GPATCH1: variants seen among roughly 807,000 people sequenced by gnomAD.
GPATCH1 encodes the protein G-patch domain containing 1, also known as G patch domain-containing protein 1.
Under a neutral mutation model 114.9 loss-of-function variants are expected in GPATCH1, and 73 were observed. The ratio of observed to expected loss-of-function variants is 0.64; its 90% CI spans 0.53 to 0.77. The LOEUF (loss-of-function observed/expected upper bound fraction) is 0.77. Among genes scored for constraint, GPATCH1 ranks in the 30% least tolerant of loss-of-function variants. The pLI is 0.00. For missense variants in GPATCH1, 1,058 were observed against 1,144.3 expected (o/e 0.92, Z 1.09); for synonymous variants, 391 against 428.4 (o/e 0.91, Z 1.08).
intron 13 of GPATCH1, chr19:33,113,099 A>G (rs1972875584): frequency 6.4e-6 from 1 of 157,106 alleles, no homozygotes; most frequent in Admixed American, 6.4e-5. Context: ...TAACATAGTA[A>G]GACCCCATCT....
At chr19:33,127,764 A>G (rs1337298989) in intron 19 of GPATCH1, among the ~76,000 whole-genome samples, 2 of 152,140 alleles carry the variant, frequency 1.3e-5, no homozygotes, top group East Asian at 3.9e-4. Flanking sequence ...GCTGGAGTGC[A>G]GTGGTGCGAT....
At chr19:33,101,209 T>G (rs1438704381) in intron 8 of GPATCH1, among the ~76,000 whole-genome samples, 1 of 152,166 alleles carries the variant, frequency 6.6e-6, no homozygotes, top group Non-Finnish European at 1.5e-5. Flanking sequence ...CCTAAGGTAC[T>G]TCTTCTAAAA....
At chr19:33,110,520 AG>A (rs1972839766) in intron 11 of GPATCH1, among the ~76,000 whole-genome samples, 1 of 152,216 alleles carries the variant, frequency 6.6e-6, no homozygotes, top group Non-Finnish European at 1.5e-5. Context: ...TGTTGTATGC[AG>A]TAGTCCTCGT....
At chr19:33,119,922 A>G (rs1972958139) in intron 17 of GPATCH1, among the ~76,000 whole-genome samples, 1 of 145,684 alleles carries the variant, frequency 6.9e-6, no homozygotes, top group Non-Finnish European at 1.5e-5. Flanking sequence ...TATTTTATAT[A>G]TAAAAATTAT....
intron 17 of GPATCH1, among the ~76,000 whole-genome samples, chr19:33,124,707 T>C (rs1328161924): frequency 6.6e-6 from 1 of 152,118 alleles, no homozygotes; most frequent in African/African-American, 2.4e-5. Context: ...GTGGGAGAGG[T>C]TAGGCGACGT....
chr19:33,123,842 C>CT (rs970623893), intron 17 of GPATCH1, among the ~76,000 whole-genome samples: 28 of 148,094 alleles, frequency 1.9e-4, no homozygotes, highest in Admixed American at 6.1e-4. Flanking sequence ...TGAAACTTTC[C>CT]TTTTTTTTTT....
chr19:33,096,592 G>C (rs1158771281), intron 7 of GPATCH1, 146 bp downstream of exon 7: 2 of 688,232 alleles, frequency 2.9e-6, no homozygotes, highest in Non-Finnish European at 4.7e-6. Context: ...TTCTTAAAAT[G>C]CATTTTTAAA....
chr19:33,106,606 A>T, intron 9 of GPATCH1, 89 bp from the exon 10 acceptor site: 1 of 1,092,032 alleles, frequency 9.2e-7, no homozygotes, highest in Non-Finnish European at 1.4e-6. Flanking sequence ...GGGCGGGGTT[A>T]ACAAGGCTCA....
intron 17 of GPATCH1, among the ~76,000 whole-genome samples, chr19:33,123,875 G>A (rs192034877): frequency 7.1e-6 from 1 of 140,194 alleles, no homozygotes; most frequent in East Asian, 2.0e-4. Flanking sequence ...TTTTTCTTTT[G>A]AGAAGGATTC....
At position 33,130,206 on chromosome 19, in the gene GPATCH1, T is replaced by A. The variant is rs1568353694; in HGVS notation, c.*46T>A. ...TCCTAGAATCATTTCTCCTCCATGA[T>A]GGAAGCCCAGTGATTGTTCAGTTAA... On this transcript the variant is annotated 3_prime_UTR_variant, in exon 20 of 20. Transcript: ENST00000170564. The A allele has an allele frequency of 7.3e-7, 1 of 1,364,734 alleles. No individual in the cohort carries two copies. The allele number at this position is 1,364,734 out of a possible 1,614,324, so 84.5% of individuals were successfully genotyped here.
At chr19:33,127,900 T>C (rs1031703431) in intron 19 of GPATCH1, among the ~76,000 whole-genome samples, 2 of 151,600 alleles carry the variant, frequency 1.3e-5, no homozygotes, top group Non-Finnish European at 2.9e-5. Flanking sequence ...ATTTTTTTAG[T>C]AGAGACAGTG....
At chr19:33,085,033 A>G (rs552415196) in intron 1 of GPATCH1, among the ~76,000 whole-genome samples, 12 of 152,214 alleles carry the variant, frequency 7.9e-5, no homozygotes, top group African/African-American at 2.6e-4. Context: ...TGCAGCTATC[A>G]AAATTCTGCT....
At chr19:33,114,624 A>G (rs970701855) in intron 15 of GPATCH1, among the ~76,000 whole-genome samples, 2 of 152,162 alleles carry the variant, frequency 1.3e-5, no homozygotes, top group Admixed American at 6.6e-5. Context: ...TTGTGTGAAT[A>G]TAAGTTTTCA....
chr19:33,109,879 G>A lies in GPATCH1; in HGVS notation c.1448G>A (p.Gly483Glu), dbSNP rs768984602. The change falls in exon 11 of 20, where the codon GGG (glycine) becomes GAG (glutamate). Residue 483 changes from glycine (G) to glutamate (E), a missense_variant. By Grantham distance (98) the Gly-to-Glu change is moderately conservative. Transcript: ENST00000170564. Reference sequence around the variant, plus strand: ...CAGCTCTCCCCTGCAGCGGCTGCTGGGCACTGCTCTTGGAACATGGCATTA... The same window carrying A: ...CAGCTCTCCCCTGCAGCGGCTGCTGAGCACTGCTCTTGGAACATGGCATTA... Reference protein sequence around the residue: ...RAQLSPAAAAGHCSWNMALGG... With the variant: ...RAQLSPAAAAEHCSWNMALGG... The A allele has an allele frequency of 1.4e-5, 23 of 1,614,026 alleles. No homozygotes were observed. The South Asian group carries it at 2.2e-4, about 15-fold the overall frequency.
Position 33,126,587 on chromosome 19 carries a change from GA to G in GPATCH1, c.2624del (p.Lys875ArgfsTer46). ...KKEHRRKKEK[K>X]KKHRKHKHKG... ...CCCCCACCACTATTTGTTTTTTACA[GA>G]AAAAGAAACACAGGAAGCACAAACA... is the stretch of plus-strand genomic sequence containing the variant. On this transcript the variant is annotated frameshift_variant and splice_region_variant, in exon 19 of 20. Transcript: ENST00000170564. LOFTEE classifies it high-confidence loss of function. 6.2e-7 allele frequency: 1 copy of G among 1,610,954 alleles called. No individual in the cohort carries two copies. Among genetic ancestry groups the G allele is most frequent in the Non-Finnish European group, 8.5e-7 (1 of 1,179,150 alleles).
chr19:33,097,524 TG>T (rs779806482), intron 7 of GPATCH1, among the ~76,000 whole-genome samples: 2 of 152,186 alleles, frequency 1.3e-5, no homozygotes, highest in South Asian at 2.1e-4. Context: ...ATGGCTGTTG[TG>T]GGGACTGGAG....
chr19:33,123,021 A>G (rs1179598001), intron 17 of GPATCH1, among the ~76,000 whole-genome samples: 1 of 151,832 alleles, frequency 6.6e-6, no homozygotes, highest in Non-Finnish European at 1.5e-5. Flanking sequence ...ACAGTGAGCT[A>G]TGATCCCACT....
chr19:33,094,651 T>C (rs74809835), intron 5 of GPATCH1, among the ~76,000 whole-genome samples: 4,590 of 152,286 alleles, frequency 0.03, 228 homozygotes, highest in African/African-American at 0.1. Flanking sequence ...TAGTTTATGC[T>C]TCTGCCAGCA....
At position 33,119,441 on chromosome 19, in the gene GPATCH1, T is replaced by G. The variant is rs560476334; in HGVS notation, c.2521+324T>G. ...CTGGCCGGGCACAGTGGCTCATGCC[T>G]GTAATCCCAGCACTTTGGGAGGCCG... On this transcript the variant is annotated intron_variant, in intron 17 of 19. Transcript: ENST00000170564. Among the ~76,000 whole-genome samples the G allele has an allele frequency of 2.7e-4, 41 of 152,302 alleles. No homozygotes were observed. In the South Asian group the frequency reaches 8.5e-3, roughly 32 times the overall value.
Sources: allele counts gnomAD v4.1 joint callset (sites outside exome capture counted in the v4.1 genomes callset), GRCh38; gene constraint gnomAD v4.1.1; transcripts MANE v1.5; gene names NCBI Gene and HGNC (gene_info 2026-07-23, HGNC 2026-07-21).